Variants in AGBL1 observed in about 807,000 individuals in gnomAD.
The protein encoded by AGBL1 is AGBL carboxypeptidase 1.
A neutral mutation model predicts 118.9 loss-of-function variants in AGBL1; 130 were observed. That is an observed-to-expected ratio of 1.09 (90% CI 0.95 to 1.26). AGBL1 has a LOEUF of 1.26. AGBL1 is among the 50% of genes most tolerant of loss of function. AGBL1 has a pLI of 0.00. For synonymous variants in AGBL1, 555 were observed against 478.9 expected, an observed-to-expected ratio of 1.16 and a Z score of -2.08; for missense variants, 1,584 against 1,298.1, an observed-to-expected ratio of 1.22 and a Z score of -3.38.
At chr15:86,967,659 G>A (rs901716833) in intron 23 of AGBL1, among the ~76,000 whole-genome samples, 14 of 151,916 alleles carry the variant, frequency 9.2e-5, no homozygotes, top group Non-Finnish European at 1.9e-4. Flanking sequence ...TATTTCTGAG[G>A]GTTCTATTCT....
At chr15:86,872,042 A>G (rs1032720054) in intron 22 of AGBL1, among the ~76,000 whole-genome samples, 3 of 152,230 alleles carry the variant, frequency 2.0e-5, no homozygotes, top group Admixed American at 6.5e-5. Flanking sequence ...AGTGATGCTG[A>G]AATGAATTTC....
At chr15:86,729,698 C>G (rs554200999) in intron 22 of AGBL1, among the ~76,000 whole-genome samples, 24 of 152,270 alleles carry the variant, frequency 1.6e-4, no homozygotes, top group African/African-American at 4.8e-4. Context: ...AGGTTGACTC[C>G]ATATCTTTGC....
At chr15:86,800,805 G>T (rs1375872052) in intron 22 of AGBL1, among the ~76,000 whole-genome samples, 1 of 151,956 alleles carries the variant, frequency 6.6e-6, no homozygotes, top group Non-Finnish European at 1.5e-5. Flanking sequence ...CACTTACAAA[G>T]GTAGAAATAG....
intron 23 of AGBL1, among the ~76,000 whole-genome samples, chr15:86,972,423 T>A (rs188881503): frequency 6.6e-4 from 100 of 151,744 alleles, no homozygotes; most frequent in African/African-American, 2.2e-3. Context: ...TCATTCAGGC[T>A]TGGATGATAA....
At chr15:86,183,591 A>G (rs893023995) in intron 5 of AGBL1, among the ~76,000 whole-genome samples, 1 of 152,180 alleles carries the variant, frequency 6.6e-6, no homozygotes, top group Non-Finnish European at 1.5e-5. Context: ...ATAAAACATG[A>G]GCAGTGGACA....
chr15:86,230,769 C>T (rs2078442694), intron 6 of AGBL1, among the ~76,000 whole-genome samples: 1 of 152,162 alleles, frequency 6.6e-6, no homozygotes, highest in African/African-American at 2.4e-5. Flanking sequence ...TGGTGCACCA[C>T]ATGATGCTTT....
At chr15:86,133,664 T>C (rs979544687) in intron 1 of AGBL1, among the ~76,000 whole-genome samples, 1 of 152,202 alleles carries the variant, frequency 6.6e-6, no homozygotes, top group Admixed American at 6.5e-5. Context: ...GTGAATACCC[T>C]TTTTACCGAG....
At chr15:87,028,956 G>A (rs999590257) in exon 25 of AGBL1, 1 of 1,219,268 alleles carries the variant, frequency 8.2e-7, no homozygotes, top group South Asian at 1.3e-5. Flanking sequence ...TATGGAAAAT[G>A]TTGCTCCATC....
rs900620709 is a variant in AGBL1 at position 86,284,954 on chromosome 15, C to G, written c.2220+5171C>G. On this transcript the variant is annotated intron_variant, in intron 16 of 22. Coordinates refer to ENST00000614907, the MANE Select transcript of AGBL1 (RefSeq NM_001386094.1). ...TGGGGGTTTCTACAATTGCCTTAAA[C>G]TCATTCACATTTTTATAAAGAAACC... Among the ~76,000 whole-genome samples the G allele has an allele frequency of 2.0e-5, 3 of 152,188 alleles. No individual in the cohort carries two copies. In the East Asian group the frequency reaches 5.8e-4, roughly 30 times the overall value.
At chr15:86,545,580 G>A (rs1457662724) in intron 19 of AGBL1, among the ~76,000 whole-genome samples, 3 of 151,958 alleles carry the variant, frequency 2.0e-5, no homozygotes, top group Admixed American at 6.6e-5. Context: ...ATGCCCCAGC[G>A]TGTGTGTTTT....
intron 18 of AGBL1, among the ~76,000 whole-genome samples, chr15:86,460,535 C>T (rs1170932257): frequency 1.3e-5 from 2 of 151,488 alleles, no homozygotes; most frequent in African/African-American, 4.9e-5. Flanking sequence ...ACAACAACAA[C>T]AAAAACAATG....
chr15:86,160,128 C>A (rs2077247158), intron 5 of AGBL1, among the ~76,000 whole-genome samples: 1 of 123,882 alleles, frequency 8.1e-6, no homozygotes, highest in Admixed American at 8.2e-5. Context: ...TTTGAGATCA[C>A]CTTTTTTAGG....
intron 1 of AGBL1, among the ~76,000 whole-genome samples, chr15:86,108,903 G>T (rs1169338197): frequency 6.6e-6 from 1 of 152,190 alleles, no homozygotes; most frequent in Non-Finnish European, 1.5e-5. Flanking sequence ...GTTGCAGTGA[G>T]CCAAGATCGC....
intron 1 of AGBL1, among the ~76,000 whole-genome samples, chr15:86,120,982 T>A (rs1209569363): frequency 6.6e-6 from 1 of 151,960 alleles, no homozygotes; most frequent in Non-Finnish European, 1.5e-5. Context: ...CTGCAACCTC[T>A]GCCTCCTAGG....
At chr15:86,120,017 T>C (rs1252430317) in intron 1 of AGBL1, among the ~76,000 whole-genome samples, 4 of 152,234 alleles carry the variant, frequency 2.6e-5, no homozygotes, top group Admixed American at 1.3e-4. Flanking sequence ...CACTCATTCA[T>C]CTACTCATTC....
At chr15:86,485,628 A>T (rs1560459) in intron 18 of AGBL1, among the ~76,000 whole-genome samples, 69,950 of 151,938 alleles carry the variant, frequency 0.46, 16,696 homozygotes, top group Middle Eastern at 0.56. Flanking sequence ...CAAAATATAC[A>T]TCTGATTTCT....
At chr15:86,971,658 T>C (rs140904489) in intron 23 of AGBL1, among the ~76,000 whole-genome samples, 22 of 152,140 alleles carry the variant, frequency 1.4e-4, no homozygotes, top group African/African-American at 5.1e-4. Context: ...TTGCGTAACT[T>C]AAATAACTGA....
intron 24 of AGBL1, among the ~76,000 whole-genome samples, chr15:87,024,216 ATGAAAC>A (rs2081699807): frequency 6.6e-6 from 1 of 152,056 alleles, no homozygotes; most frequent in African/African-American, 2.4e-5. Flanking sequence ...GAAAAGATAA[ATGAAAC>A]TGATAGACCA....
At chr15:86,438,410 T>A (rs929768087) in intron 18 of AGBL1, among the ~76,000 whole-genome samples, 23 of 152,178 alleles carry the variant, frequency 1.5e-4, no homozygotes, top group Non-Finnish European at 8.8e-5. Flanking sequence ...ACTTTATCTC[T>A]CTCTCTACTC....
Sources: gnomAD v4.1 joint callset for allele counts (sites outside exome capture counted in the v4.1 genomes callset) on GRCh38, gnomAD v4.1.1 for gene constraint, MANE v1.5 for transcripts, NCBI Gene and HGNC (gene_info 2026-07-23, HGNC 2026-07-21) for gene names.